SDK1: variants seen among roughly 807,000 people sequenced by gnomAD.
SDK1 encodes the protein sidekick cell adhesion molecule 1.
A neutral mutation model predicts 245.5 loss-of-function variants in SDK1; 157 were observed. That is an observed-to-expected ratio of 0.64 (90% CI 0.56 to 0.73). SDK1 has a LOEUF of 0.73. SDK1 is among the 30% of genes least tolerant of loss of function. The probability of loss-of-function intolerance (pLI) is 0.00; values close to 1 mark genes in which losing one functional copy is unlikely to be tolerated. For missense variants in SDK1, 3,583 were observed against 3,002.3 expected (o/e 1.19, Z -4.52); for synonymous variants, 1,647 against 1,278.5 (o/e 1.29, Z -6.15).
At chr7:3,452,452 C>T (rs1016250883) in intron 1 of SDK1, among the ~76,000 whole-genome samples, 1 of 152,074 alleles carries the variant, frequency 6.6e-6, no homozygotes, top group Non-Finnish European at 1.5e-5. Context: ...ATAAACATCC[C>T]TGTAATAAAG....
intron 1 of SDK1, among the ~76,000 whole-genome samples, chr7:3,565,285 G>A (rs1482078885): frequency 6.6e-6 from 1 of 152,090 alleles, no homozygotes; most frequent in South Asian, 2.1e-4. Flanking sequence ...CAGAACCTTA[G>A]CTACAAAGGA....
chr7:3,375,645 G>A (rs1322760089), intron 1 of SDK1, among the ~76,000 whole-genome samples: 2 of 152,156 alleles, frequency 1.3e-5, no homozygotes, highest in Non-Finnish European at 2.9e-5. Flanking sequence ...GGACACTCAA[G>A]CAACTCTGTG....
intron 4 of SDK1, among the ~76,000 whole-genome samples, chr7:3,645,182 G>C (rs1782790974): frequency 1.3e-5 from 2 of 152,318 alleles, no homozygotes; most frequent in South Asian, 4.1e-4. Flanking sequence ...GCTAAAGCCT[G>C]TTTAATTCCT....
At chr7:3,902,294 G>T (rs1023150779) in intron 5 of SDK1, among the ~76,000 whole-genome samples, 4 of 152,128 alleles carry the variant, frequency 2.6e-5, no homozygotes. Context: ...CCCATTCCAT[G>T]TTTGTGTCTC....
At chr7:4,111,459 G>A (rs953932018) in intron 23 of SDK1, among the ~76,000 whole-genome samples, 1 of 152,046 alleles carries the variant, frequency 6.6e-6, no homozygotes, top group South Asian at 2.1e-4. Context: ...TAGTAATTCA[G>A]GGACTAAAAG....
In SDK1 at chr7:4,137,369, T is replaced by A. The variant is rs10245309; in HGVS notation, c.4228+4946T>A. Among the ~76,000 whole-genome samples the A allele has an allele frequency of 3.5e-3, 531 of 152,300 alleles. 4 individuals carry two copies. The highest frequency in any genetic ancestry group is 0.012 in the African/African-American group (516 of 41,574). On this transcript the variant is annotated intron_variant, in intron 28 of 44. Coordinates refer to ENST00000404826, the MANE Select transcript of SDK1 (RefSeq NM_152744.4). ...TCTGTGTATAGCTGTGCGGCGTCAG[T>A]CTTCAGGCTGACCTGGAGCTGAGAT...
At chr7:3,457,880 C>G (rs1054553733) in intron 1 of SDK1, among the ~76,000 whole-genome samples, 6 of 152,120 alleles carry the variant, frequency 3.9e-5, no homozygotes, top group African/African-American at 1.4e-4. Flanking sequence ...CTGGGAGTTT[C>G]CTGAGAATGC....
At chr7:3,468,755 C>A (rs555663667) in intron 1 of SDK1, among the ~76,000 whole-genome samples, 1 of 152,048 alleles carries the variant, frequency 6.6e-6, no homozygotes, top group Non-Finnish European at 1.5e-5. Context: ...GAGTGTTGTC[C>A]GTATTTTGTT....
chr7:3,723,042 A>G (rs1168213325), intron 4 of SDK1, among the ~76,000 whole-genome samples: 2 of 152,236 alleles, frequency 1.3e-5, no homozygotes, highest in Non-Finnish European at 2.9e-5. Context: ...TGGGAAACAA[A>G]CAGTGAAGTT....
intron 12 of SDK1, among the ~76,000 whole-genome samples, chr7:3,972,796 C>T (rs531335568): frequency 2.6e-4 from 40 of 152,292 alleles, no homozygotes; most frequent in African/African-American, 8.4e-4. Context: ...ATTTCCATGT[C>T]GCCACCCGAC....
At chr7:3,325,005 G>A (rs1268393200) in intron 1 of SDK1, among the ~76,000 whole-genome samples, 1 of 152,118 alleles carries the variant, frequency 6.6e-6, no homozygotes, top group Non-Finnish European at 1.5e-5. Flanking sequence ...GATTCTGGTG[G>A]TGGAGCAGCT....
chr7:4,061,289 C>T (rs941927379), intron 19 of SDK1, among the ~76,000 whole-genome samples: 1 of 152,080 alleles, frequency 6.6e-6, no homozygotes, highest in Non-Finnish European at 1.5e-5. Context: ...GAATGTTCTT[C>T]CATTTGTTTG....
chr7:3,437,981 T>G (rs1780078660), intron 1 of SDK1, among the ~76,000 whole-genome samples: 1 of 152,148 alleles, frequency 6.6e-6, no homozygotes, highest in Non-Finnish European at 1.5e-5. Context: ...ACTCTCTCAT[T>G]TAATCCTCTA....
intron 1 of SDK1, among the ~76,000 whole-genome samples, chr7:3,425,535 C>G (rs1234199022): frequency 6.6e-6 from 1 of 152,200 alleles, no homozygotes; most frequent in East Asian, 1.9e-4. Flanking sequence ...ATCTAGACTT[C>G]TCACAGACCT....
chr7:3,508,330 T>C (rs868215352), intron 1 of SDK1, among the ~76,000 whole-genome samples: 2,850 of 150,124 alleles, frequency 0.019, 90 homozygotes, highest in African/African-American at 0.066. Flanking sequence ...CTTCTTCTTT[T>C]TTTTTTTTTT....
chr7:3,815,928 A>AG (rs2115053275), intron 4 of SDK1, among the ~76,000 whole-genome samples: 2 of 144,920 alleles, frequency 1.4e-5, no homozygotes, highest in South Asian at 4.5e-4. Context: ...ACTAGAACTC[A>AG]AGATTAAGAA....
At chr7:4,153,687 G>T (rs1780538240) in intron 30 of SDK1, among the ~76,000 whole-genome samples, 1 of 152,154 alleles carries the variant, frequency 6.6e-6, no homozygotes, top group Middle Eastern at 3.4e-3. Flanking sequence ...TGTTTGTTTG[G>T]TTGGTTGTTT....
At chr7:3,977,726 C>T (rs548477302) in intron 13 of SDK1, among the ~76,000 whole-genome samples, 1 of 152,244 alleles carries the variant, frequency 6.6e-6, no homozygotes, top group Admixed American at 6.5e-5. Context: ...CAGAGGACGA[C>T]CATATCTTCA....
intron 4 of SDK1, among the ~76,000 whole-genome samples, chr7:3,674,684 C>G (rs1200424180): frequency 3.9e-5 from 6 of 152,296 alleles, no homozygotes; most frequent in African/African-American, 1.4e-4. Flanking sequence ...ATAACTATAA[C>G]TGGCTCTTGG....
Sources: gnomAD v4.1 joint callset for allele counts (sites outside exome capture counted in the v4.1 genomes callset) on GRCh38, gnomAD v4.1.1 for gene constraint, MANE v1.5 for transcripts, NCBI Gene and HGNC (gene_info 2026-07-23, HGNC 2026-07-21) for gene names.